PTPRD: variants seen among roughly 807,000 people sequenced by gnomAD.
The protein encoded by PTPRD is receptor-type tyrosine-protein phosphatase delta.
In PTPRD, 34 loss-of-function variants were observed where a neutral mutation model predicts 214.5. The observed-to-expected ratio is 0.16, with a 90% CI of 0.12 to 0.21. The LOEUF is 0.21. Ranked by LOEUF, PTPRD falls within the 10% of genes least tolerant of loss-of-function variation. The pLI, the probability that PTPRD is intolerant of heterozygous loss-of-function variation, is 1.00. For synonymous variants in PTPRD, 1,128 were observed against 845.7 expected, an observed-to-expected ratio of 1.33 and a Z score of -5.79; for missense variants, 2,545 against 2,398.7, an observed-to-expected ratio of 1.06 and a Z score of -1.27.
intron 11 of PTPRD, among the ~76,000 whole-genome samples, chr9:8,805,318 T>G (rs957318331): frequency 2.0e-5 from 3 of 152,164 alleles, no homozygotes; most frequent in African/African-American, 7.2e-5. Context: ...TTTTCCCCAT[T>G]TGAAGGTTCT....
rs557647291 is a variant in PTPRD, at chr9:10,017,565, T to C, written c.-472+16153A>G. On this transcript the variant is annotated intron_variant, in intron 4 of 45. Transcript: ENST00000381196. ...GTTCCTCAAGTCTGGAAGCCTTGTTTTCAGGTTTAAATCTTTAGTTCATTT... is the reference window on the plus strand; with the variant it reads ...GTTCCTCAAGTCTGGAAGCCTTGTTCTCAGGTTTAAATCTTTAGTTCATTT... Among the ~76,000 whole-genome samples the C allele has an allele frequency of 2.0e-5, 3 of 152,264 alleles. No individual in the cohort carries two copies. In the South Asian group the frequency reaches 6.2e-4, roughly 32 times the overall value.
intron 7 of PTPRD, among the ~76,000 whole-genome samples, chr9:9,619,986 G>C (rs962995561): frequency 6.6e-6 from 1 of 151,538 alleles, no homozygotes; most frequent in African/African-American, 2.4e-5. Flanking sequence ...GAAAGAGAGA[G>C]AGAAAGAGAG....
At chr9:8,466,445 G>A (rs916269986) in intron 31 of PTPRD, among the ~76,000 whole-genome samples, 3 of 151,874 alleles carry the variant, frequency 2.0e-5, no homozygotes, top group African/African-American at 4.8e-5. Context: ...GATGCTTCAT[G>A]TATTTCTAAA....
At chr9:10,186,782 T>G (rs2099332751) in intron 3 of PTPRD, among the ~76,000 whole-genome samples, 1 of 152,112 alleles carries the variant, frequency 6.6e-6, no homozygotes, top group South Asian at 2.1e-4. Flanking sequence ...TACAGAAAAC[T>G]GAGTTTTCAG....
At chr9:10,510,534 CTTTT>C (rs976428734) in intron 2 of PTPRD, among the ~76,000 whole-genome samples, 1 of 151,938 alleles carries the variant, frequency 6.6e-6, no homozygotes, top group African/African-American at 2.4e-5. Flanking sequence ...CGGCATATCG[CTTTT>C]TTGTTTGCTT....
intron 34 of PTPRD, among the ~76,000 whole-genome samples, chr9:8,446,419 C>T (rs555589914): frequency 1.3e-5 from 2 of 152,308 alleles, no homozygotes; most frequent in South Asian, 4.1e-4. Flanking sequence ...AAGCAATGTG[C>T]TTTCTTTACC....
intron 5 of PTPRD, among the ~76,000 whole-genome samples, chr9:9,775,634 T>C (rs575975429): frequency 3.3e-5 from 5 of 152,206 alleles, no homozygotes; most frequent in Admixed American, 6.5e-5. Context: ...CATTCTATTA[T>C]AGGGAGATTA....
Position 9,289,905 on chromosome 9 carries a change from C to G in PTPRD, c.-202-106542G>C, listed in dbSNP as rs983284471. 1.6e-4 allele frequency among the ~76,000 whole-genome samples: 25 copies of G among 151,580 alleles called. 1 individual carries two copies. The highest frequency in any genetic ancestry group is 3.4e-4 in the Non-Finnish European group (23 of 67,810). ...CATATCTTAGCTATTGTGAATAATG[C>G]TGCAAAAAAACATAGCACTGCAGAT... On this transcript the variant is annotated intron_variant, in intron 9 of 45. Transcript: ENST00000381196.
chr9:10,169,787 T>G (rs148336937), intron 3 of PTPRD, among the ~76,000 whole-genome samples: 1 of 152,110 alleles, frequency 6.6e-6, no homozygotes, highest in African/African-American at 2.4e-5. Flanking sequence ...AATTGTATCA[T>G]CTATAATTCC....
chr9:8,596,943 T>C (rs2094508074), intron 14 of PTPRD, among the ~76,000 whole-genome samples: 2 of 152,084 alleles, frequency 1.3e-5, no homozygotes, highest in Admixed American at 6.5e-5. Flanking sequence ...CAGGATGTCA[T>C]CCTAAAACCT....
At chr9:9,845,186 C>G (rs10978032) in intron 5 of PTPRD, among the ~76,000 whole-genome samples, 571 of 37,728 alleles carry the variant, frequency 0.015, 15 homozygotes, top group Middle Eastern at 0.02. Flanking sequence ...ATATATTGCT[C>G]TATATATATA....
intron 11 of PTPRD, among the ~76,000 whole-genome samples, chr9:8,820,732 C>A (rs73431034): frequency 0.014 from 2,091 of 152,116 alleles, 47 homozygotes; most frequent in African/African-American, 0.046. Flanking sequence ...ACACACCACA[C>A]ACACACACAC....
intron 14 of PTPRD, among the ~76,000 whole-genome samples, chr9:8,533,940 C>G (rs914691786): frequency 6.6e-6 from 1 of 152,012 alleles, no homozygotes. Flanking sequence ...TGTGACTACA[C>G]ATTTGGCCTC....
At chr9:9,344,299 G>C (rs1272453775) in intron 9 of PTPRD, among the ~76,000 whole-genome samples, 1 of 151,874 alleles carries the variant, frequency 6.6e-6, no homozygotes, top group African/African-American at 2.4e-5. Context: ...GACACAGGGA[G>C]GGGGCATCAC....
chr9:8,955,177 T>C (rs189338490), intron 11 of PTPRD, among the ~76,000 whole-genome samples: 1 of 151,906 alleles, frequency 6.6e-6, no homozygotes, highest in African/African-American at 2.4e-5. Context: ...ATTAGGAAAA[T>C]GTAGGCCAGC....
chr9:8,566,495 T>C (rs1448164300), intron 14 of PTPRD, among the ~76,000 whole-genome samples: 1 of 152,098 alleles, frequency 6.6e-6, no homozygotes, highest in Non-Finnish European at 1.5e-5. Context: ...AACAGCTTAG[T>C]GAAAGACAGA....
At chr9:9,448,344 T>A (rs1260970891) in intron 8 of PTPRD, among the ~76,000 whole-genome samples, 2 of 151,446 alleles carry the variant, frequency 1.3e-5, no homozygotes, top group East Asian at 3.9e-4. Context: ...GGGTGAGAGG[T>A]GATTGGATCA....
chr9:8,410,015 G>A (rs1033171128), intron 35 of PTPRD, among the ~76,000 whole-genome samples: 5 of 152,164 alleles, frequency 3.3e-5, no homozygotes, highest in African/African-American at 1.2e-4. Flanking sequence ...ATATTCTCAA[G>A]TCCTTTCTGA....
At chr9:9,964,210 C>T (rs950439047) in intron 4 of PTPRD, among the ~76,000 whole-genome samples, 7 of 151,574 alleles carry the variant, frequency 4.6e-5, no homozygotes, top group Non-Finnish European at 1.5e-5. Context: ...ATCATCAAGT[C>T]AATACTGAAT....
Sources: allele counts gnomAD v4.1 joint callset (sites outside exome capture counted in the v4.1 genomes callset), GRCh38; gene constraint gnomAD v4.1.1; transcripts MANE v1.5; gene names NCBI Gene and HGNC (gene_info 2026-07-23, HGNC 2026-07-21).